MYO10: variants seen among roughly 807,000 people sequenced by gnomAD.
MYO10 encodes the protein unconventional myosin-X.
Under a neutral mutation model 257.3 loss-of-function variants are expected in MYO10, and 133 were observed. The ratio of observed to expected loss-of-function variants is 0.52; its 90% CI spans 0.45 to 0.60. MYO10 has a LOEUF of 0.60. Ranked by LOEUF, MYO10 falls within the 20% of genes least tolerant of loss-of-function variation. The pLI, the probability that MYO10 is intolerant of heterozygous loss-of-function variation, is 0.00. For missense variants in MYO10, 2,399 were observed against 2,635.7 expected, an observed-to-expected ratio of 0.91 and a Z score of 1.97; for synonymous variants, 1,104 against 1,028.6, an observed-to-expected ratio of 1.07 and a Z score of -1.40.
At chr5:16,932,389 AACAGTGTCC>A (rs1238050353) in intron 1 of MYO10, among the ~76,000 whole-genome samples, 5 of 152,184 alleles carry the variant, frequency 3.3e-5, no homozygotes, top group African/African-American at 2.4e-5. Context: ...AAGACATGAA[AACAGTGTCC>A]ACTTCAGCAC....
chr5:16,920,095 G>A (rs77869634), intron 1 of MYO10, among the ~76,000 whole-genome samples: 10,107 of 150,848 alleles, frequency 0.067, 353 homozygotes, highest in African/African-American at 0.11. Flanking sequence ...TGGCAACAGA[G>A]CGACATTCAG....
intron 2 of MYO10, among the ~76,000 whole-genome samples, chr5:16,843,741 T>C (rs911031535): frequency 6.6e-6 from 1 of 152,096 alleles, no homozygotes; most frequent in Non-Finnish European, 1.5e-5. Context: ...AAATATATAG[T>C]GATGGGTAAA....
chr5:16,699,748 C>CT lies in MYO10; in HGVS notation c.3433-176dup, dbSNP rs547174328. 1.1e-3 allele frequency: 523 copies of CT among 473,926 alleles called. 4 individuals carry two copies. The highest frequency in any genetic ancestry group is 0.01 in the African/African-American group (470 of 45,250). The allele number at this position is 473,926 out of a possible 1,614,324, so 29.4% of individuals were successfully genotyped here. A position where few individuals can be genotyped will look rare whatever the true frequency, so the allele number is the denominator to read the frequency against. On this transcript the variant is annotated intron_variant, in intron 25 of 40. Transcript: ENST00000513610. ...ACTGCACTGAGCAGAGATCGTGCCA[C>CT]TGCACTCCAGCCTGGGCAACAGAGC... is the stretch of plus-strand genomic sequence containing the variant.
chr5:16,898,628 C>G (rs1438084255), intron 1 of MYO10, among the ~76,000 whole-genome samples: 1 of 151,314 alleles, frequency 6.6e-6, no homozygotes, highest in African/African-American at 2.4e-5. Flanking sequence ...AGGCTGGTCT[C>G]GAACTCCTGA....
chr5:16,839,555 C>A (rs1051918993), intron 2 of MYO10, among the ~76,000 whole-genome samples: 2 of 151,980 alleles, frequency 1.3e-5, no homozygotes, highest in African/African-American at 2.4e-5. Flanking sequence ...CCAGCCTGGG[C>A]AACATGGCAA....
At chr5:16,676,578 G>A (rs1241190040) in intron 33 of MYO10, among the ~76,000 whole-genome samples, 1 of 152,178 alleles carries the variant, frequency 6.6e-6, no homozygotes, top group East Asian at 1.9e-4. Flanking sequence ...AGCCGGGTGT[G>A]GTGGCTGAGT....
At chr5:16,762,441 T>C (rs1305826390) in intron 15 of MYO10, 104 bp downstream of exon 15, 5 of 890,192 alleles carry the variant, frequency 5.6e-6, no homozygotes, top group Middle Eastern at 2.6e-4. Flanking sequence ...AAATGTTCAA[T>C]GTGGGAGGCA....
At chr5:16,864,900 T>C (rs1341745903) in intron 2 of MYO10, among the ~76,000 whole-genome samples, 1 of 152,192 alleles carries the variant, frequency 6.6e-6, no homozygotes, top group Non-Finnish European at 1.5e-5. Context: ...TGCATTTTCC[T>C]TGGTCTTGAA....
chr5:16,815,774 T>C (rs1174078978), intron 3 of MYO10, among the ~76,000 whole-genome samples: 1 of 152,210 alleles, frequency 6.6e-6, no homozygotes, highest in East Asian at 1.9e-4. Flanking sequence ...ACTGGTCATC[T>C]ACAAGGGGAT....
chr5:16,833,300 G>A (rs184880141), intron 2 of MYO10, among the ~76,000 whole-genome samples: 27 of 150,050 alleles, frequency 1.8e-4, no homozygotes, highest in Non-Finnish European at 3.1e-4. Flanking sequence ...TGCAACCTCC[G>A]CCTCCCAGGC....
intron 2 of MYO10, among the ~76,000 whole-genome samples, chr5:16,871,598 T>A (rs1477845228): frequency 6.6e-6 from 1 of 150,934 alleles, no homozygotes; most frequent in Non-Finnish European, 1.5e-5. Context: ...CTGAGCAAAA[T>A]CCTGTCTCGA....
chr5:16,808,799 G>C (rs1043046833), intron 3 of MYO10, among the ~76,000 whole-genome samples: 9 of 152,116 alleles, frequency 5.9e-5, no homozygotes, highest in Non-Finnish European at 1.3e-4. Context: ...AGCCTCCCAA[G>C]TAGCTGGGAC....
chr5:16,887,498 A>G (rs942251461), intron 1 of MYO10, among the ~76,000 whole-genome samples: 1 of 151,928 alleles, frequency 6.6e-6, no homozygotes, highest in Non-Finnish European at 1.5e-5. Flanking sequence ...TTTTATTATT[A>G]TTATTATTTT....
At chr5:16,695,924 C>T (rs1483637229) in intron 26 of MYO10, among the ~76,000 whole-genome samples, 1 of 152,216 alleles carries the variant, frequency 6.6e-6, no homozygotes, top group Non-Finnish European at 1.5e-5. Context: ...TTGTGCCAAG[C>T]TGCAGAGCCG....
chr5:16,869,467 T>C (rs1744386810), intron 2 of MYO10, among the ~76,000 whole-genome samples: 2 of 151,994 alleles, frequency 1.3e-5, no homozygotes, highest in Non-Finnish European at 2.9e-5. Flanking sequence ...TCCTAGCTAC[T>C]CAGGAGACTG....
chr5:16,821,167 T>C (rs974861934), intron 2 of MYO10, among the ~76,000 whole-genome samples: 1 of 148,332 alleles, frequency 6.7e-6, no homozygotes, highest in African/African-American at 2.4e-5. Context: ...ATAAGGTATA[T>C]ATATAAAATG....
rs377120690 is a variant in MYO10 at position 16,814,290 on chromosome 5, C to T, written c.279+3719G>A. 1.9e-4 allele frequency among the ~76,000 whole-genome samples: 29 copies of T among 152,194 alleles called. No individual in the cohort carries two copies. In the Middle Eastern group the frequency reaches 0.01, roughly 54 times the overall value. On this transcript the variant is annotated intron_variant, in intron 3 of 40. Coordinates refer to ENST00000513610, the MANE Select transcript of MYO10 (RefSeq NM_012334.3). Reference sequence around the variant, plus strand: ...CCGAGTACCTAGGACTACAGGCGCCCGCCACCACACCCGGCTAATTTTTTT... The same window carrying T: ...CCGAGTACCTAGGACTACAGGCGCCTGCCACCACACCCGGCTAATTTTTTT...
rs191594982 is a variant in MYO10 at position 16,729,474 on chromosome 5, C to G, written c.1930-18229G>C. On this transcript the variant is annotated intron_variant, in intron 19 of 40. Coordinates refer to ENST00000513610, the MANE Select transcript of MYO10 (RefSeq NM_012334.3). ...TTCTATTTTTTTTTTTTTTTTGAGA[C>G]GGAGTCTCACTGTGTCACCCAGGCT... 1.8e-3 allele frequency among the ~76,000 whole-genome samples: 265 copies of G among 145,368 alleles called. 1 individual carries two copies. Among genetic ancestry groups the G allele is most frequent in the African/African-American group, 6.6e-3 (257 of 38,700 alleles).
intron 26 of MYO10, among the ~76,000 whole-genome samples, chr5:16,698,623 G>GTTTTT (rs5866202): frequency 2.6e-5 from 3 of 113,860 alleles, no homozygotes; most frequent in Admixed American, 1.8e-4. Context: ...AGAACATGCA[G>GTTTTT]TTTTTTTTTT....
Sources: allele counts gnomAD v4.1 joint callset (sites outside exome capture counted in the v4.1 genomes callset), GRCh38; gene constraint gnomAD v4.1.1; transcripts MANE v1.5; gene names NCBI Gene and HGNC (gene_info 2026-07-23, HGNC 2026-07-21).